Variants in RUBCNL observed in about 807,000 individuals in gnomAD.
The protein encoded by RUBCNL is protein associated with UVRAG as autophagy enhancer.
RUBCNL carries 62 observed loss-of-function variants against 69.5 expected under a neutral mutation model. The ratio of observed to expected loss-of-function variants is 0.89; its 90% confidence interval spans 0.73 to 1.10. The LOEUF is 1.10. Ranked by LOEUF, RUBCNL falls within the 50% of genes least tolerant of loss-of-function variation. RUBCNL has a pLI of 0.00. For synonymous variants in RUBCNL, 291 were observed against 303.6 expected (o/e 0.96, Z 0.43); for missense variants, 768 against 798.1 (o/e 0.96, Z 0.45).
intron 12 of RUBCNL, among the ~76,000 whole-genome samples, chr13:46,346,967 C>T (rs2048258811): frequency 6.6e-6 from 1 of 152,036 alleles, no homozygotes; most frequent in Non-Finnish European, 1.5e-5. Flanking sequence ...ATTACGAACA[C>T]CTAGATTTTT....
At chr13:46,353,545 A>T (rs978129720) in intron 10 of RUBCNL, among the ~76,000 whole-genome samples, 2 of 152,330 alleles carry the variant, frequency 1.3e-5, no homozygotes, top group African/African-American at 4.8e-5. Flanking sequence ...TTGCCTCCCA[A>T]GGGGCATTTG....
intron 12 of RUBCNL, among the ~76,000 whole-genome samples, chr13:46,346,487 A>T (rs1186572798): frequency 6.6e-6 from 1 of 152,212 alleles, no homozygotes; most frequent in East Asian, 1.9e-4. Flanking sequence ...TCAGTCCAGC[A>T]GTGATCGGTT....
At chr13:46,358,895 C>CGAAA (rs1307094148) in intron 9 of RUBCNL, among the ~76,000 whole-genome samples, 1 of 152,068 alleles carries the variant, frequency 6.6e-6, no homozygotes, top group African/African-American at 2.4e-5. Context: ...AAGTGCTTTC[C>CGAAA]CTAAGATTAA....
rs1367447215 is a variant in RUBCNL at position 46,336,921 on chromosome 13, G to A, written c.*6464C>T. Reference sequence around the variant, plus strand: ...ACTAGATAATATGGATAACTCAGAGGAGTAGAATAGTTTTTGATGTCTGCA... The same window carrying A: ...ACTAGATAATATGGATAACTCAGAGAAGTAGAATAGTTTTTGATGTCTGCA... On this transcript the variant is annotated 3_prime_UTR_variant, in exon 15 of 15. Coordinates refer to ENST00000429979, the MANE Select transcript of RUBCNL (RefSeq NM_025113.5). Among the ~76,000 whole-genome samples, 1 of 151,806 alleles carries A rather than the reference G, an allele frequency of 6.6e-6. No homozygotes were observed. The highest frequency in any genetic ancestry group is 6.6e-5 in the Admixed American group (1 of 15,208).
intron 5 of RUBCNL, among the ~76,000 whole-genome samples, chr13:46,367,557 A>C (rs573529718): frequency 1.1e-3 from 164 of 152,340 alleles, no homozygotes; most frequent in African/African-American, 3.6e-3. Flanking sequence ...ATCCTGACCC[A>C]AGATGGCAGA....
intron 12 of RUBCNL, among the ~76,000 whole-genome samples, chr13:46,348,537 G>T (rs1327345609): frequency 6.6e-6 from 1 of 151,692 alleles, no homozygotes; most frequent in African/African-American, 2.4e-5. Flanking sequence ...CTGGTGGGAG[G>T]TAATTGAATC....
In RUBCNL at chr13:46,342,576, A is replaced by G. The variant is rs1425238365; in HGVS notation, c.*809T>C. 1 of 152,202 alleles carries G rather than the reference A, an allele frequency of 6.6e-6. No homozygotes were observed. The highest frequency in any genetic ancestry group is 1.5e-5 in the Non-Finnish European group (1 of 68,038). The allele number at this position is 152,202 out of a possible 1,614,324, so 9.4% of individuals were successfully genotyped here. Reference sequence around the variant, plus strand: ...TGTTATTACTAGAATCACACTGTTCATTATTTCCCCCAGTTCGTTTAAATC... The same window carrying G: ...TGTTATTACTAGAATCACACTGTTCGTTATTTCCCCCAGTTCGTTTAAATC... On this transcript the variant is annotated 3_prime_UTR_variant, in exon 15 of 15. Coordinates refer to ENST00000429979, the MANE Select transcript of RUBCNL (RefSeq NM_025113.5).
chr13:46,357,892 A>G (rs2048526000), intron 9 of RUBCNL, among the ~76,000 whole-genome samples: 1 of 152,170 alleles, frequency 6.6e-6, no homozygotes, highest in African/African-American at 2.4e-5. Context: ...CGGCCTCCCA[A>G]AGTGCTGAGA....
chr13:46,352,729 G>A (rs961723605), intron 10 of RUBCNL, among the ~76,000 whole-genome samples: 7 of 152,104 alleles, frequency 4.6e-5, no homozygotes, highest in African/African-American at 9.7e-5. Flanking sequence ...GCTTGAACCC[G>A]GGAGGCAGAG....
intron 12 of RUBCNL, among the ~76,000 whole-genome samples, chr13:46,347,957 C>A (rs2048284743): frequency 6.6e-6 from 1 of 151,826 alleles, no homozygotes; most frequent in Non-Finnish European, 1.5e-5. Context: ...CGCGCCACTG[C>A]ACTCCAGCCT....
At chr13:46,347,051 C>G (rs753119775) in intron 12 of RUBCNL, among the ~76,000 whole-genome samples, 1 of 152,146 alleles carries the variant, frequency 6.6e-6, no homozygotes. Context: ...TCGCAGGACA[C>G]TGAGGTTTGG....
At chr13:46,347,351 G>A (rs1201120501) in intron 12 of RUBCNL, among the ~76,000 whole-genome samples, 1 of 152,144 alleles carries the variant, frequency 6.6e-6, no homozygotes, top group Non-Finnish European at 1.5e-5. Context: ...AGGCTGCAGT[G>A]AGCCAAGACT....
chr13:46,384,534 T>C (rs764331186), intron 1 of RUBCNL, among the ~76,000 whole-genome samples: 9 of 152,188 alleles, frequency 5.9e-5, no homozygotes, highest in Non-Finnish European at 1.2e-4. Context: ...AAACAGTACC[T>C]GCTTACTGTG....
At position 46,335,254 on chromosome 13, in the gene RUBCNL, G is replaced by GTTT. The variant is rs1232528360; in HGVS notation, c.*8130_*8131insAAA. ...TAATTTGTGTCTTTTTGTTGTTGTT[G>GTTT]TTGTTGTTTTTTTTTTTTTTTTTTT... On this transcript the variant is annotated 3_prime_UTR_variant, in exon 15 of 15. Transcript: ENST00000429979. Among the ~76,000 whole-genome samples, 7 of 107,244 alleles carry GTTT rather than the reference G, an allele frequency of 6.5e-5. No homozygotes were observed. Among genetic ancestry groups the GTTT allele is most frequent in the African/African-American group, 2.7e-4 (7 of 26,362 alleles). The allele number at this position is 107,244 out of a possible 152,430, so 70.4% of individuals were successfully genotyped here. A position where few individuals can be genotyped will look rare whatever the true frequency, so the allele number is the denominator to read the frequency against.
intron 2 of RUBCNL, among the ~76,000 whole-genome samples, chr13:46,376,401 A>G (rs1055752943): frequency 2.0e-5 from 3 of 152,152 alleles, no homozygotes; most frequent in African/African-American, 7.2e-5. Context: ...ATAAACATAT[A>G]CATGCATCTT....
At chr13:46,354,974 C>T in intron 10 of RUBCNL, 1 of 370,208 alleles carries the variant, frequency 2.7e-6, no homozygotes, top group Non-Finnish European at 5.5e-6. Flanking sequence ...ACCAAAGAGA[C>T]ATGTTCCCCA....
upstream of RUBCNL, chr13:46,387,261 G>A (rs770088828): frequency 2.0e-6 from 2 of 985,270 alleles, no homozygotes; most frequent in South Asian, 4.7e-5. Flanking sequence ...GGAGGGAGGA[G>A]AGCTACCGAG....
upstream of RUBCNL, chr13:46,389,958 G>A (rs2138877016): frequency 6.6e-6 from 1 of 152,364 alleles, no homozygotes; most frequent in South Asian, 2.1e-4. The surrounding 1 kb of genome is among the most constrained non-coding windows in gnomAD (Gnocchi z 4.2). Context: ...TTTTTCATGG[G>A]GAAGGTGAAC....
intron 10 of RUBCNL, chr13:46,354,854 C>G (rs187880731): frequency 6.6e-5 from 30 of 456,682 alleles, no homozygotes; most frequent in African/African-American, 5.8e-4. Flanking sequence ...CATCTCCATA[C>G]CTGAACAAGC....
Sources: gnomAD v4.1 joint callset for allele counts (sites outside exome capture counted in the v4.1 genomes callset) on GRCh38, gnomAD v4.1.1 for gene constraint, Gnocchi (gnomAD v3.1) non-coding constraint, MANE v1.5 for transcripts, NCBI Gene and HGNC (gene_info 2026-07-23, HGNC 2026-07-21) for gene names.